Variants in UAP1 observed in about 807,000 individuals in gnomAD.
UAP1 encodes UDP-N-acetylhexosamine pyrophosphorylase.
UAP1 carries 25 observed loss-of-function variants against 58.5 expected under a neutral mutation model. The observed-to-expected ratio is 0.43, with a 90% CI of 0.31 to 0.60. UAP1 has a LOEUF of 0.60. UAP1 is among the 20% of genes least tolerant of loss of function. UAP1 has a pLI of 0.11. For synonymous variants in UAP1, 208 were observed against 213.0 expected (o/e 0.98, Z 0.21); for missense variants, 575 against 630.0 (o/e 0.91, Z 0.93).
chr1:162,596,099 C>T (rs1207464198), intron 9 of UAP1, among the ~76,000 whole-genome samples: 1 of 151,982 alleles, frequency 6.6e-6, no homozygotes, highest in Non-Finnish European at 1.5e-5. Context: ...GTGATCTGCC[C>T]ACCTTGGCCT....
chr1:162,600,912 C>T (rs566490712), downstream of UAP1, among the ~76,000 whole-genome samples: 1 of 152,180 alleles, frequency 6.6e-6, no homozygotes, highest in African/African-American at 2.4e-5. Flanking sequence ...TGGTATGATC[C>T]GTTTCTTTTT....
intron 6 of UAP1, among the ~76,000 whole-genome samples, chr1:162,588,425 A>ATG (rs1655051468): frequency 6.6e-6 from 1 of 152,176 alleles, no homozygotes. Context: ...GTACATATAT[A>ATG]CAGTTTTAAG....
intron 4 of UAP1, among the ~76,000 whole-genome samples, chr1:162,579,866 T>C (rs1654474908): frequency 6.6e-6 from 1 of 152,182 alleles, no homozygotes. Context: ...TTTTATTTTT[T>C]ATTTTTTACA....
At position 162,592,728 on chromosome 1, in the gene UAP1, A is replaced by G. The variant is rs899008481; in HGVS notation, c.1359-4A>G. 1.0e-5 allele frequency: 16 copies of G among 1,546,626 alleles called. No homozygotes were observed. In the African/African-American group the frequency reaches 1.8e-4, roughly 17 times the overall value. On this transcript the variant is annotated splice_region_variant and splice_polypyrimidine_tract_variant and intron_variant, in intron 8 of 10. Coordinates refer to ENST00000271469, the Ensembl canonical transcript of UAP1. ...CCCATTAATCCTTATTTATTCCCAC[A>G]TAGCAGTGCTACAAATGGGAAGTCA...
At chr1:162,579,730 T>TGGA (rs1165545354) in intron 4 of UAP1, 127 bp downstream of exon 4, 2 of 835,610 alleles carry the variant, frequency 2.4e-6, no homozygotes, top group African/African-American at 1.7e-5. Context: ...TTTTGCAGCT[T>TGGA]GGAAATGATT....
At chr1:162,599,509 A>G (rs1655813910) in exon 11 of UAP1, 1 of 493,396 alleles carries the variant, frequency 2.0e-6, no homozygotes, top group East Asian at 3.3e-5. Flanking sequence ...AGCTATTGCA[A>G]ACTTCCCAAG....
intron 1 of UAP1, among the ~76,000 whole-genome samples, chr1:162,564,706 G>A (rs1653380548): frequency 1.3e-5 from 2 of 151,964 alleles, no homozygotes; most frequent in Admixed American, 6.6e-5. Context: ...TCTACTGTTC[G>A]CTTTCTATTA....
intron 7 of UAP1, among the ~76,000 whole-genome samples, chr1:162,589,443 A>G (rs1655168265): frequency 6.7e-6 from 1 of 149,848 alleles, no homozygotes; most frequent in Middle Eastern, 3.2e-3. Context: ...TTGAGCCACT[A>G]CGCCCCGCCT....
intron 6 of UAP1, 63 bp from the exon 7 acceptor site, chr1:162,588,630 G>GT (rs1280921232): frequency 1.3e-6 from 2 of 1,548,148 alleles, no homozygotes; most frequent in Non-Finnish European, 1.7e-6. Flanking sequence ...CCTGAATGTT[G>GT]TAAGATTTTC....
At chr1:162,583,515 A>G (rs1654729534) in intron 5 of UAP1, among the ~76,000 whole-genome samples, 1 of 152,082 alleles carries the variant, frequency 6.6e-6, no homozygotes, top group African/African-American at 2.4e-5. Context: ...TTCAGAACCA[A>G]TTTAAACTTT....
chr1:162,579,635 G>C, intron 4 of UAP1, 32 bp downstream of exon 4: 1 of 1,446,938 alleles, frequency 6.9e-7, no homozygotes, highest in South Asian at 1.5e-5. Flanking sequence ...ATGGTGACTA[G>C]AAAGGATAAC....
At chr1:162,577,124 A>G (rs1401180496) in intron 3 of UAP1, 143 bp downstream of exon 3, 5 of 825,706 alleles carry the variant, frequency 6.1e-6, no homozygotes, top group Admixed American at 2.8e-5. Flanking sequence ...ATATATGTTA[A>G]AAGTGCTATA....
At chr1:162,589,853 TC>T (rs1655191350) in intron 7 of UAP1, among the ~76,000 whole-genome samples, 1 of 152,146 alleles carries the variant, frequency 6.6e-6, no homozygotes, top group East Asian at 1.9e-4. Context: ...ATGCCTGAAG[TC>T]CCAGCTACTC....
exon 11 of UAP1, chr1:162,599,470 G>A (rs1655811705): frequency 2.9e-6 from 2 of 690,720 alleles, no homozygotes; most frequent in African/African-American, 1.8e-5. Flanking sequence ...AATATCCACA[G>A]GGTTTTATTT....
chr1:162,575,810 C>T (rs12138702), intron 2 of UAP1, among the ~76,000 whole-genome samples: 56,172 of 151,142 alleles, frequency 0.37, 12,534 homozygotes, highest in Non-Finnish European at 0.49. Context: ...AAGCAATTCT[C>T]CTGTTTCAGC....
At chr1:162,577,789 T>G (rs1318128644) in intron 3 of UAP1, among the ~76,000 whole-genome samples, 2 of 151,980 alleles carry the variant, frequency 1.3e-5, no homozygotes. Context: ...TTTTTGTATT[T>G]TTAGTAGAGA....
In UAP1 at chr1:162,592,899, A is replaced by G. The variant is rs77352966; in HGVS notation, c.1409+117A>G. ...GGGGTCTGGAGGGAGGATGGTTGAA[A>G]CTTTGGTGTGGGTGCACTGCTTACT... is the stretch of plus-strand genomic sequence containing the variant. On this transcript the variant is annotated intron_variant, in intron 9 of 10. Coordinates refer to ENST00000271469, the Ensembl canonical transcript of UAP1. The G allele has an allele frequency of 5.6e-3, 5,036 of 891,934 alleles. 103 individuals are homozygous for G. In the East Asian group the frequency reaches 0.058, roughly 10 times the overall value. The allele number at this position is 891,934 out of a possible 1,614,324, so 55.3% of individuals were successfully genotyped here. A position where few individuals can be genotyped will look rare whatever the true frequency, so the allele number is the denominator to read the frequency against.
intron 9 of UAP1, among the ~76,000 whole-genome samples, chr1:162,596,323 G>A (rs752152488): frequency 2.6e-5 from 4 of 151,586 alleles, no homozygotes; most frequent in Non-Finnish European, 4.4e-5. Flanking sequence ...TTACAGGTAC[G>A]CGCCACCACA....
chr1:162,568,196 A>T (rs1187627607), intron 2 of UAP1, among the ~76,000 whole-genome samples: 1 of 151,564 alleles, frequency 6.6e-6, no homozygotes, highest in Admixed American at 6.6e-5. Context: ...TTTGTTTTCC[A>T]CTCTTTGGCA....
Sources: gnomAD v4.1 joint callset for allele counts (sites outside exome capture counted in the v4.1 genomes callset) on GRCh38, gnomAD v4.1.1 for gene constraint, MANE v1.5 for transcripts, NCBI Gene and HGNC (gene_info 2026-07-23, HGNC 2026-07-21) for gene names.